GFPT2: variants seen among roughly 807,000 people sequenced by gnomAD.
The protein encoded by GFPT2 is glutamine--fructose-6-phosphate transaminase 2.
GFPT2 carries 62 observed loss-of-function variants against 85.6 expected under a neutral mutation model. That is an observed-to-expected ratio of 0.72 (90% CI 0.59 to 0.90). The LOEUF (loss-of-function observed/expected upper bound fraction) is 0.90, where lower values mean the gene tolerates loss of function less well. GFPT2 is among the 40% of genes least tolerant of loss of function. GFPT2 has a pLI of 0.00. For missense variants in GFPT2, 788 were observed against 893.4 expected (o/e 0.88, Z 1.50); for synonymous variants, 368 against 344.5 (o/e 1.07, Z -0.75).
chr5:180,347,804 T>C (rs558459645), intron 1 of GFPT2, among the ~76,000 whole-genome samples: 1 of 152,018 alleles, frequency 6.6e-6, no homozygotes, highest in East Asian at 1.9e-4. Context: ...CTACAGCCCC[T>C]GGAGTGCTGA....
chr5:180,327,282 A>T (rs1037669769), intron 7 of GFPT2, among the ~76,000 whole-genome samples: 1 of 152,118 alleles, frequency 6.6e-6, no homozygotes, highest in African/African-American at 2.4e-5. Context: ...CAGTGTCCAT[A>T]CCACCTTGCT....
Position 180,336,588 on chromosome 5 carries a change from G to C in GFPT2, c.116-11C>G. 6.4e-7 allele frequency: 1 copy of C among 1,550,944 alleles called. No homozygotes were observed. Among genetic ancestry groups the C allele is most frequent in the Non-Finnish European group, 8.9e-7 (1 of 1,122,300 alleles). On this transcript the variant is annotated splice_polypyrimidine_tract_variant and intron_variant, in intron 2 of 18. Coordinates refer to ENST00000253778, the MANE Select transcript of GFPT2 (RefSeq NM_005110.4). ...CATCGATCGCCACACCTGTGATGTA[G>C]ACAGCATTTGTTATATTGCAACCAA...
At chr5:180,316,264 T>C in intron 13 of GFPT2, 77 bp downstream of exon 13, 1 of 1,476,510 alleles carries the variant, frequency 6.8e-7, no homozygotes, top group Non-Finnish European at 9.4e-7. Context: ...GCAGAGGACT[T>C]AACTGAATGA....
intron 1 of GFPT2, among the ~76,000 whole-genome samples, chr5:180,340,742 C>T (rs1168176152): frequency 6.7e-6 from 1 of 149,554 alleles, no homozygotes; most frequent in African/African-American, 2.5e-5. Flanking sequence ...TCTCAATCTC[C>T]TGACCTCATG....
chr5:180,303,866 C>A (rs187621621), intron 17 of GFPT2, among the ~76,000 whole-genome samples: 2 of 152,116 alleles, frequency 1.3e-5, no homozygotes, highest in Admixed American at 6.5e-5. Context: ...GGTGACGACT[C>A]GTGGTGGGCC....
rs370386331 is a variant in GFPT2, at chr5:180,302,441, A to G, written c.1986T>C (p.Ala662=). 4 of 1,613,820 alleles carry G rather than the reference A, an allele frequency of 2.5e-6. No homozygotes were observed. The highest frequency in any genetic ancestry group is 1.3e-5 in the African/African-American group (1 of 74,946). The change falls in exon 18 of 19, where the codon GCT becomes GCC. Residue 662 remains alanine (A), a synonymous_variant. Transcript: ENST00000253778. ...IPLQLLSFHL[A]VLRGYDVDFP... ...GACGCACGTCATATCCTCGGAGAAC[A>G]GCCAGGTGGAAGGACAGCAGCTGCA...
intron 10 of GFPT2, among the ~76,000 whole-genome samples, chr5:180,317,887 G>C (rs1180369970): frequency 6.6e-6 from 1 of 152,108 alleles, no homozygotes; most frequent in East Asian, 1.9e-4. Context: ...TGATGCTCTG[G>C]AGGTACCCAC....
chr5:180,324,270 G>T lies in GFPT2; in HGVS notation c.712C>A (p.Arg238=). ...LENVKNICKT[R]MKRLDSSACL... ...GCGGAGCTGTCCAGCCTCTTCATCCGTGTCTTACAGATATTCTTCACATTC... is the reference window on the plus strand; with the variant it reads ...GCGGAGCTGTCCAGCCTCTTCATCCTTGTCTTACAGATATTCTTCACATTC... The change falls in exon 9 of 19, where the codon CGG becomes AGG. Residue 238 remains arginine (R), a synonymous_variant. Transcript: ENST00000253778. The T allele has an allele frequency of 6.2e-7, 1 of 1,609,420 alleles. No individual in the cohort carries two copies.
At chr5:180,349,169 C>T (rs554928216) in intron 1 of GFPT2, among the ~76,000 whole-genome samples, 1 of 151,954 alleles carries the variant, frequency 6.6e-6, no homozygotes, top group African/African-American at 2.4e-5. Flanking sequence ...GGGACAGGTA[C>T]AGTGGCTCAT....
chr5:180,336,137 G>C (rs1764390751), intron 3 of GFPT2, 184 bp from the exon 4 acceptor site: 4 of 586,610 alleles, frequency 6.8e-6, no homozygotes, highest in Non-Finnish European at 1.2e-5. Flanking sequence ...TTTACTACTT[G>C]TCTGTAGCTT....
At chr5:180,352,842 G>C (rs1380588355) in intron 1 of GFPT2, 2 of 372,908 alleles carry the variant, frequency 5.4e-6, no homozygotes, top group Non-Finnish European at 9.8e-6. Flanking sequence ...CTTTGTGGGC[G>C]ACTGGGAGAC....
In GFPT2 at chr5:180,328,646, A is replaced by G. The variant is rs1224162297; in HGVS notation, c.535-308T>C. ...GACGGGGCAGTGAGAGTCACAGGAAATGATAGCTGGGACCAGGCTTCCCTG... is the reference window on the plus strand; with the variant it reads ...GACGGGGCAGTGAGAGTCACAGGAAGTGATAGCTGGGACCAGGCTTCCCTG... On this transcript the variant is annotated intron_variant, in intron 6 of 18. Transcript: ENST00000253778. The surrounding 1 kb of genome is among the most constrained non-coding windows in gnomAD (Gnocchi z 5.4). Among the ~76,000 whole-genome samples the G allele has an allele frequency of 6.6e-6, 1 of 152,216 alleles. No homozygotes were observed. Among genetic ancestry groups the G allele is most frequent in the Non-Finnish European group, 1.5e-5 (1 of 68,038 alleles).
At chr5:180,343,976 G>A (rs975938092) in intron 1 of GFPT2, among the ~76,000 whole-genome samples, 1 of 152,240 alleles carries the variant, frequency 6.6e-6, no homozygotes, top group Non-Finnish European at 1.5e-5. Context: ...AGAGATGCAT[G>A]TGCACACGTG....
At chr5:180,342,981 T>C (rs1163384733) in intron 1 of GFPT2, among the ~76,000 whole-genome samples, 1 of 152,060 alleles carries the variant, frequency 6.6e-6, no homozygotes, top group Non-Finnish European at 1.5e-5. Context: ...GGTCAAATTG[T>C]GGTCAATGTA....
intron 13 of GFPT2, among the ~76,000 whole-genome samples, chr5:180,315,312 G>T (rs1041732078): frequency 6.6e-6 from 1 of 152,004 alleles, no homozygotes; most frequent in African/African-American, 2.4e-5. Flanking sequence ...TGAGTAGCCG[G>T]GACTACAGGC....
intron 1 of GFPT2, among the ~76,000 whole-genome samples, chr5:180,345,909 C>T (rs906598084): frequency 6.6e-6 from 1 of 152,114 alleles, no homozygotes; most frequent in African/African-American, 2.4e-5. Flanking sequence ...ACAATGGGAG[C>T]ACGGTGCCAC....
chr5:180,342,117 C>T (rs963990084), intron 1 of GFPT2, among the ~76,000 whole-genome samples: 2 of 152,154 alleles, frequency 1.3e-5, no homozygotes, highest in Non-Finnish European at 2.9e-5. Context: ...TTGTCTGCCG[C>T]CACGTGAGAT....
intron 4 of GFPT2, among the ~76,000 whole-genome samples, chr5:180,333,890 G>C (rs944872299): frequency 3.3e-5 from 5 of 152,156 alleles, no homozygotes; most frequent in African/African-American, 1.2e-4. Context: ...CACTGAAGTG[G>C]GGGATTTTCC....
At chr5:180,303,739 T>C (rs1269255438) in intron 17 of GFPT2, among the ~76,000 whole-genome samples, 1 of 152,310 alleles carries the variant, frequency 6.6e-6, no homozygotes, top group East Asian at 1.9e-4. Flanking sequence ...AAGCATTTGG[T>C]TGGTCTTTGT....
Sources: allele counts gnomAD v4.1 joint callset (sites outside exome capture counted in the v4.1 genomes callset), GRCh38; gene constraint gnomAD v4.1.1; non-coding constraint Gnocchi (gnomAD v3.1); transcripts MANE v1.5; gene names NCBI Gene and HGNC (gene_info 2026-07-23, HGNC 2026-07-21).